Variants in GAK observed in about 807,000 individuals in gnomAD.
GAK encodes cyclin G associated kinase, also known as cyclin-G-associated kinase.
Under a neutral mutation model 143.9 loss-of-function variants are expected in GAK, and 79 were observed. The observed-to-expected ratio is 0.55, with a 90% CI of 0.46 to 0.66. GAK has a LOEUF of 0.66. Among genes scored for constraint, GAK ranks in the 30% least tolerant of loss-of-function variants. GAK has a pLI of 0.00. For missense variants in GAK, 1,693 were observed against 1,779.7 expected (o/e 0.95, Z 0.88); for synonymous variants, 881 against 765.5 (o/e 1.15, Z -2.49).
chr4:871,065 CCT>C (rs1412014932), intron 18 of GAK, among the ~76,000 whole-genome samples, 161 bp from the exon 19 acceptor site: 1 of 152,234 alleles, frequency 6.6e-6, no homozygotes, highest in African/African-American at 2.4e-5. Flanking sequence ...AAGCTGGAGC[CCT>C]GTGAGCTGAC....
At chr4:908,041 A>C (rs1011722563) in intron 4 of GAK, among the ~76,000 whole-genome samples, 1 of 152,170 alleles carries the variant, frequency 6.6e-6, no homozygotes, top group Non-Finnish European at 1.5e-5. Flanking sequence ...GACGCCGAGC[A>C]GCTTCAGTTT....
At position 891,904 on chromosome 4, in the gene GAK, C is replaced by T. The variant is rs183624043; in HGVS notation, c.991-1282G>A. On this transcript the variant is annotated intron_variant, in intron 9 of 27. Transcript: ENST00000314167. ...AGGCCACCAGTGACATCAACTCTCC[C>T]GCCTCAGAGCGCCCCACACCTCAAA... Among the ~76,000 whole-genome samples the T allele has an allele frequency of 9.3e-4, 141 of 152,264 alleles. 1 individual carries two copies. The highest frequency in any genetic ancestry group is 2.9e-3 in the African/African-American group (121 of 41,536).
chr4:901,405 C>T (rs1719852554), intron 5 of GAK, among the ~76,000 whole-genome samples: 1 of 152,136 alleles, frequency 6.6e-6, no homozygotes, highest in Non-Finnish European at 1.5e-5. Context: ...AGAGCCACGG[C>T]CTTGGATCCC....
intron 1 of GAK, among the ~76,000 whole-genome samples, chr4:924,790 G>C (rs1724441587): frequency 6.6e-6 from 1 of 151,584 alleles, no homozygotes; most frequent in Non-Finnish European, 1.5e-5. Context: ...GATAGTGAGT[G>C]CTCTCCTGTG....
chr4:904,731 G>C lies in GAK; in HGVS notation c.431C>G (p.Ser144Trp), dbSNP rs768962219. ...LKKMESRGPL[S>W]CDTVLKIFYQ... ...GAAGATCTTCAGAACCGTGTCGCAC[G>C]AAAGGGGGCCTCGAGATTCCATTTT... The change falls in exon 5 of 28, where the codon TCG (serine) becomes TGG (tryptophan). Residue 144 changes from serine to tryptophan, a missense_variant. Coordinates refer to ENST00000314167, the MANE Select transcript of GAK (RefSeq NM_005255.4). The C allele has an allele frequency of 1.2e-6, 2 of 1,614,202 alleles. No homozygotes were observed. The highest frequency in any genetic ancestry group is 1.7e-6 in the Non-Finnish European group (2 of 1,179,994).
At chr4:902,982 C>T (rs1323847269) in intron 5 of GAK, among the ~76,000 whole-genome samples, 1 of 152,260 alleles carries the variant, frequency 6.6e-6, no homozygotes, top group Non-Finnish European at 1.5e-5. Context: ...ACTATACTCC[C>T]CACCAGGCCA....
intron 5 of GAK, among the ~76,000 whole-genome samples, chr4:902,761 C>T (rs572295617): frequency 1.3e-5 from 2 of 152,132 alleles, no homozygotes; most frequent in Non-Finnish European, 2.9e-5. Flanking sequence ...AAAACTGGGC[C>T]ACAAACCAGA....
intron 5 of GAK, among the ~76,000 whole-genome samples, chr4:902,579 C>T (rs1402569941): frequency 1.1e-5 from 1 of 93,324 alleles, no homozygotes; most frequent in Non-Finnish European, 1.9e-5. Context: ...CCAGCCTGGG[C>T]TGTAGAGTGA....
chr4:904,002 A>T (rs891450904), intron 5 of GAK, among the ~76,000 whole-genome samples: 1 of 152,272 alleles, frequency 6.6e-6, no homozygotes, highest in Non-Finnish European at 1.5e-5. Context: ...ATCCGCTTCC[A>T]CTGTTGAGAG....
intron 1 of GAK, among the ~76,000 whole-genome samples, chr4:923,998 A>G (rs1724296905): frequency 6.6e-6 from 1 of 151,980 alleles, no homozygotes; most frequent in Non-Finnish European, 1.5e-5. Context: ...CAGCCTGACC[A>G]ACATAGTGAC....
chr4:869,257 A>ACAGACAGCACACACACAGATGCAGGGTT (rs1188809447), intron 19 of GAK: 19 of 154,336 alleles, frequency 1.2e-4, no homozygotes, highest in Non-Finnish European at 2.3e-4. Context: ...GATGCAGGGT[A>ACAGACAGCACACACACAGATGCAGGGTT]CACATGAATG....
chr4:862,216 A>C (rs1027953192), intron 23 of GAK, among the ~76,000 whole-genome samples: 3 of 151,960 alleles, frequency 2.0e-5, no homozygotes, highest in African/African-American at 7.3e-5. Flanking sequence ...GATCCGGCTG[A>C]GATCACTGAT....
intron 5 of GAK, among the ~76,000 whole-genome samples, chr4:904,313 T>C (rs113071002): frequency 1.3e-5 from 1 of 76,716 alleles, no homozygotes; most frequent in Non-Finnish European, 2.6e-5. Flanking sequence ...CACGACCTTG[T>C]GGTCCCTGTG....
intron 4 of GAK, among the ~76,000 whole-genome samples, chr4:905,326 T>C (rs1468526438): frequency 1.3e-5 from 2 of 152,222 alleles, no homozygotes; most frequent in African/African-American, 4.8e-5. Flanking sequence ...TTGTTCAAAA[T>C]GCCAAGAACC....
intron 12 of GAK, 26 bp downstream of exon 12, chr4:884,011 C>T (rs2152819437): frequency 6.2e-7 from 1 of 1,608,454 alleles, no homozygotes; most frequent in Non-Finnish European, 8.5e-7. Flanking sequence ...CGGGGCGCGT[C>T]CCACAGCCTC....
chr4:894,706 G>C (rs1718421394), intron 7 of GAK: 1 of 152,270 alleles, frequency 6.6e-6, no homozygotes, highest in Non-Finnish European at 1.5e-5. Flanking sequence ...GTTCAGGCCG[G>C]GCGCAGTGGC....
At chr4:866,894 A>C (rs1751288370) in intron 21 of GAK, 62 bp downstream of exon 21, 4 of 1,242,440 alleles carry the variant, frequency 3.2e-6, no homozygotes, top group Non-Finnish European at 4.4e-6. Flanking sequence ...TGCAGTGAGA[A>C]TGACTCAGCC....
chr4:899,087 C>T (rs1471291096), intron 5 of GAK, among the ~76,000 whole-genome samples: 1 of 152,170 alleles, frequency 6.6e-6, no homozygotes, highest in Admixed American at 6.5e-5. Flanking sequence ...CCACACAACA[C>T]CCATCTTAAT....
In GAK at chr4:896,561, C is replaced by G. The variant is rs1040923036; in HGVS notation, c.652-12G>C. 1.3e-6 allele frequency: 2 copies of G among 1,592,928 alleles called. No individual in the cohort carries two copies. Among genetic ancestry groups the G allele is most frequent in the Non-Finnish European group, 8.6e-7 (1 of 1,160,846 alleles). ...GTATTCCTCGTGATCTGAAAAAATACAAACATTTCAAAGGAAAAGTTGCAT... is the reference window on the plus strand; with the variant it reads ...GTATTCCTCGTGATCTGAAAAAATAGAAACATTTCAAAGGAAAAGTTGCAT... On this transcript the variant is annotated splice_polypyrimidine_tract_variant and intron_variant, in intron 6 of 27. Transcript: ENST00000314167.
Sources: gnomAD v4.1 joint callset for allele counts (sites outside exome capture counted in the v4.1 genomes callset) on GRCh38, gnomAD v4.1.1 for gene constraint, MANE v1.5 for transcripts, NCBI Gene and HGNC (gene_info 2026-07-23, HGNC 2026-07-21) for gene names.